Variants in TTC28 observed in about 807,000 individuals in gnomAD.
The protein encoded by TTC28 is tetratricopeptide repeat domain 28, also known as tetratricopeptide repeat protein 28.
TTC28 carries 61 observed loss-of-function variants against 198.0 expected under a neutral mutation model. The ratio of observed to expected loss-of-function variants is 0.31; its 90% CI spans 0.25 to 0.38. TTC28 has a LOEUF of 0.38. Ranked by LOEUF, TTC28 falls within the 10% of genes least tolerant of loss-of-function variation. The pLI is 1.00. For missense variants in TTC28, 2,678 were observed against 3,164.0 expected (o/e 0.85, Z 3.69); for synonymous variants, 1,171 against 1,297.8 (o/e 0.90, Z 2.10).
intron 12 of TTC28, among the ~76,000 whole-genome samples, chr22:28,071,797 C>T (rs1478325641): frequency 4.0e-5 from 6 of 149,840 alleles, no homozygotes; most frequent in African/African-American, 1.5e-4. Flanking sequence ...ACAACTTCGT[C>T]TCCACCAGCC....
intron 2 of TTC28, among the ~76,000 whole-genome samples, chr22:28,460,668 C>T (rs201400812): frequency 1.5e-4 from 20 of 135,892 alleles, no homozygotes; most frequent in South Asian, 2.3e-4. Context: ...GATAGATAGA[C>T]AGACAGACAG....
intron 2 of TTC28, among the ~76,000 whole-genome samples, chr22:28,344,416 T>C (rs1241363669): frequency 1.3e-5 from 2 of 152,020 alleles, no homozygotes; most frequent in African/African-American, 2.4e-5. Context: ...AAATACCTTA[T>C]TGTTAGTATT....
rs369583652 is a variant in TTC28 at position 28,107,619 on chromosome 22, G to A, written c.2226C>T (p.Gly742=). ...TTCTGTCCTTTACCTGGTGAGCTAA[G>A]CCCAGTTGCTGCTCATAGAATTTTA... ...GAIKFYEQQL[G]LAHQVKDRRL... Residue 742 remains glycine (G), a synonymous_variant, in exon 7 of 23, where the codon GGC becomes GGT. Coordinates refer to ENST00000397906, the MANE Select transcript of TTC28 (RefSeq NM_001145418.2). The A allele has an allele frequency of 3.9e-6, 6 of 1,551,734 alleles. No individual in the cohort carries two copies. The highest frequency in any genetic ancestry group is 5.2e-6 in the Non-Finnish European group (6 of 1,146,998).
intron 2 of TTC28, among the ~76,000 whole-genome samples, chr22:28,601,815 C>CACAG (rs1192030760): frequency 6.6e-6 from 1 of 151,220 alleles, no homozygotes; most frequent in African/African-American, 2.4e-5. Flanking sequence ...CACACACACA[C>CACAG]AGTTCTGGGT....
chr22:28,663,653 C>T (rs1170382047), intron 1 of TTC28, among the ~76,000 whole-genome samples: 52 of 135,178 alleles, frequency 3.8e-4, no homozygotes, highest in African/African-American at 1.4e-3. Flanking sequence ...CCTACGCCCA[C>T]GGAATCTCGC....
chr22:28,619,289 C>T (rs1378110508), intron 2 of TTC28, among the ~76,000 whole-genome samples: 1 of 152,180 alleles, frequency 6.6e-6, no homozygotes, highest in Non-Finnish European at 1.5e-5. Context: ...CACTACAACA[C>T]TTCAAGATAT....
chr22:28,143,759 A>T (rs1402937140), intron 6 of TTC28, among the ~76,000 whole-genome samples: 1 of 152,228 alleles, frequency 6.6e-6, no homozygotes, highest in Non-Finnish European at 1.5e-5. Flanking sequence ...CAGAAGGTCT[A>T]AAATGTTAAA....
chr22:27,991,974 G>A (rs957600962), intron 19 of TTC28, among the ~76,000 whole-genome samples: 2 of 152,238 alleles, frequency 1.3e-5, no homozygotes, highest in African/African-American at 2.4e-5. Context: ...TAAGTACTTT[G>A]ATCAAAGAAG....
Position 27,993,308 on chromosome 22 carries a change from T to C in TTC28, c.5455A>G (p.Ser1819Gly). 1 of 1,545,066 alleles carries C rather than the reference T, an allele frequency of 6.5e-7. No individual in the cohort carries two copies. The highest frequency in any genetic ancestry group is 8.7e-7 in the Non-Finnish European group (1 of 1,145,196). The change falls in exon 18 of 23, where the codon AGC (serine) becomes GGC (glycine). Residue 1819 changes from serine to glycine, a missense_variant. Transcript: ENST00000397906. Reference sequence around the variant, plus strand: ...TCACCCAGCAGGGACTGGAGTGTGCTGCTGCACTGCTGGAGCCGGTCGCCC... The same window carrying C: ...TCACCCAGCAGGGACTGGAGTGTGCCGCTGCACTGCTGGAGCCGGTCGCCC... ...DPGDRLQQCSSTLQSLLGLPN... is the reference protein window; with the variant it reads ...DPGDRLQQCSGTLQSLLGLPN...
In TTC28 at chr22:27,998,394, C is replaced by A. The variant is rs1018681101; in HGVS notation, c.5119+146G>T. 3 of 1,324,490 alleles carry A rather than the reference C, an allele frequency of 2.3e-6. No homozygotes were observed. In the East Asian group the frequency reaches 7.6e-5, roughly 34 times the overall value. 82.0% of individuals were successfully genotyped at this position (1,324,490 alleles called of 1,614,324 possible). A position where few individuals can be genotyped will look rare whatever the true frequency, so the allele number is the denominator to read the frequency against. On this transcript the variant is annotated intron_variant, in intron 16 of 22. Coordinates refer to ENST00000397906, the MANE Select transcript of TTC28 (RefSeq NM_001145418.2). ...AAACTCATTTGGCAGAAGCAAGACTCAGCACACAGGCTCTCTCCCTGAGTC... is the reference window on the plus strand; with the variant it reads ...AAACTCATTTGGCAGAAGCAAGACTAAGCACACAGGCTCTCTCCCTGAGTC...
intron 5 of TTC28, among the ~76,000 whole-genome samples, chr22:28,201,498 CA>C (rs1925935798): frequency 1.3e-5 from 2 of 151,876 alleles, no homozygotes; most frequent in Admixed American, 6.6e-5. Flanking sequence ...ATACTTAGAG[CA>C]AGGTGAAGGG....
At chr22:28,567,862 C>T (rs1443630329) in intron 2 of TTC28, among the ~76,000 whole-genome samples, 1 of 151,786 alleles carries the variant, frequency 6.6e-6, no homozygotes, top group East Asian at 1.9e-4. Flanking sequence ...ATAAGGGGAA[C>T]GAGCGCTCAA....
intron 2 of TTC28, among the ~76,000 whole-genome samples, chr22:28,374,067 T>C (rs134521): frequency 0.98 from 148,990 of 152,310 alleles, 72,866 homozygotes; most frequent in East Asian, 0.99. Context: ...ACTAGAGGAA[T>C]TGCTATAACT....
chr22:28,260,018 A>G (rs1304729620), intron 5 of TTC28, among the ~76,000 whole-genome samples: 3 of 152,174 alleles, frequency 2.0e-5, no homozygotes, highest in Non-Finnish European at 2.9e-5. Context: ...ATGTCTTCCC[A>G]CAATTCTTAT....
chr22:28,654,161 T>C (rs910744687), intron 1 of TTC28, among the ~76,000 whole-genome samples: 21 of 152,292 alleles, frequency 1.4e-4, no homozygotes, highest in South Asian at 8.3e-4. Flanking sequence ...CATTTCTCCA[T>C]TTAAAAGCCC....
chr22:28,224,926 TCA>T (rs1399844955), intron 5 of TTC28, among the ~76,000 whole-genome samples: 1 of 152,180 alleles, frequency 6.6e-6, no homozygotes. Context: ...TACATAACTA[TCA>T]CTTAGAAATT....
intron 15 of TTC28, chr22:28,001,064 A>G: frequency 4.1e-6 from 1 of 244,644 alleles, no homozygotes. Context: ...TCAGGTGCTC[A>G]GCCAGGCCTC....
At chr22:28,554,096 A>C (rs1394572277) in intron 2 of TTC28, among the ~76,000 whole-genome samples, 2 of 152,142 alleles carry the variant, frequency 1.3e-5, no homozygotes, top group Non-Finnish European at 2.9e-5. Context: ...GCTCTCTGAA[A>C]CATGTGCTGT....
At chr22:28,600,243 A>C (rs1404864207) in intron 2 of TTC28, among the ~76,000 whole-genome samples, 2 of 151,668 alleles carry the variant, frequency 1.3e-5, no homozygotes, top group East Asian at 3.9e-4. Context: ...AAAAGATTGA[A>C]AACAAAAAAA....
Sources: allele counts gnomAD v4.1 joint callset (sites outside exome capture counted in the v4.1 genomes callset), GRCh38; gene constraint gnomAD v4.1.1; transcripts MANE v1.5; gene names NCBI Gene and HGNC (gene_info 2026-07-23, HGNC 2026-07-21).